MMP14: variants seen among roughly 807,000 people sequenced by gnomAD.
MMP14 encodes matrix metallopeptidase 14.
Under a neutral mutation model 64.8 loss-of-function variants are expected in MMP14, and 13 were observed. That is an observed-to-expected ratio of 0.20 (90% CI 0.13 to 0.32). MMP14 has a LOEUF of 0.32. MMP14 is among the 10% of genes least tolerant of loss of function. MMP14 has a pLI of 1.00. For synonymous variants in MMP14, 322 were observed against 315.9 expected (o/e 1.02, Z -0.20); for missense variants, 594 against 783.8 (o/e 0.76, Z 2.89).
At chr14:22,837,023 T>A in intron 1 of MMP14, 98 bp downstream of exon 1, 1 of 897,762 alleles carries the variant, frequency 1.1e-6, no homozygotes, top group Non-Finnish European at 1.8e-6. Context: ...GGAGGGCTTT[T>A]GGGATCTCCG....
At position 22,846,426 on chromosome 14, in the gene MMP14, T is replaced by G; in HGVS notation, c.*387T>G. The G allele has an allele frequency of 5.0e-6, 1 of 201,384 alleles. No individual in the cohort carries two copies. Among genetic ancestry groups the G allele is most frequent in the South Asian group, 1.4e-4 (1 of 7,334 alleles). 12.5% of individuals were successfully genotyped at this position (201,384 alleles called of 1,614,324 possible). On this transcript the variant is annotated 3_prime_UTR_variant, in exon 10 of 10. Coordinates refer to ENST00000311852, the MANE Select transcript of MMP14 (RefSeq NM_004995.4). ...TCTGCTCCTTTTCCATCCCCTGACATACCTTAACCTCTGAACTCTGACCTC... is the reference window on the plus strand; with the variant it reads ...TCTGCTCCTTTTCCATCCCCTGACAGACCTTAACCTCTGAACTCTGACCTC...
rs2138747764 is a variant in MMP14, at chr14:22,847,004, G to A, written c.*965G>A. 6.5e-6 allele frequency: 1 copy of A among 152,992 alleles called. No homozygotes were observed. The highest frequency in any genetic ancestry group is 2.4e-5 in the African/African-American group (1 of 41,608). The allele number at this position is 152,992 out of a possible 1,614,324, so 9.5% of individuals were successfully genotyped here. ...ATGAGGACGTGCAGCAGCATTGGAA[G>A]GCTGGGGCCGGGCAGGCCAGGCCAA... On this transcript the variant is annotated 3_prime_UTR_variant, in exon 10 of 10. Transcript: ENST00000311852.
chr14:22,843,703 G>A lies in MMP14; in HGVS notation c.851-7G>A, dbSNP rs2039789961. The A allele has an allele frequency of 6.3e-7, 1 of 1,586,198 alleles. No individual in the cohort carries two copies. Among genetic ancestry groups the A allele is most frequent in the African/African-American group, 1.4e-5 (1 of 72,634 alleles). On this transcript the variant is annotated splice_region_variant and splice_polypyrimidine_tract_variant and intron_variant, in intron 5 of 9. Transcript: ENST00000311852. This position sits in a 1 kb window ranked among gnomAD's most constrained non-coding sequence, Gnocchi z 4.8. ...GTCTGAAATGCCCCTCGTGTTTTCT[G>A]CCCCAGGGGGTGAGTCAGGGTTCCC...
chr14:22,847,447 G>A lies in MMP14; in HGVS notation c.*1408G>A, dbSNP rs892308821. The A allele has an allele frequency of 7.1e-6, 1 of 140,720 alleles. No individual in the cohort carries two copies. The highest frequency in any genetic ancestry group is 1.6e-5 in the Non-Finnish European group (1 of 64,012). 8.7% of individuals were successfully genotyped at this position (140,720 alleles called of 1,614,324 possible). A position where few individuals can be genotyped will look rare whatever the true frequency, so the allele number is the denominator to read the frequency against. On this transcript the variant is annotated 3_prime_UTR_variant, in exon 10 of 10. Coordinates refer to ENST00000311852, the MANE Select transcript of MMP14 (RefSeq NM_004995.4). ...GGGAGAGTGAGACCCAGTGGAGGGA[G>A]CAAGAGGAGAGGGATGTCGGGGGGG...
chr14:22,845,013 C>T (rs903094965), intron 8 of MMP14, among the ~76,000 whole-genome samples: 10 of 152,124 alleles, frequency 6.6e-5, no homozygotes, highest in Non-Finnish European at 1.0e-4. Context: ...CCCAGCACTG[C>T]GCCTCCACCC....
At position 22,846,258 on chromosome 14, in the gene MMP14, G is replaced by A; in HGVS notation, c.*219G>A. The A allele has an allele frequency of 1.9e-6, 1 of 534,514 alleles. No individual in the cohort carries two copies. Among genetic ancestry groups the A allele is most frequent in the Non-Finnish European group, 3.3e-6 (1 of 306,132 alleles). 33.1% of individuals were successfully genotyped at this position (534,514 alleles called of 1,614,324 possible). A position where few individuals can be genotyped will look rare whatever the true frequency, so the allele number is the denominator to read the frequency against. On this transcript the variant is annotated 3_prime_UTR_variant, in exon 10 of 10. Transcript: ENST00000311852. ...CCTAGATAGGTCCCCTGAGGGCTGA[G>A]TGGGAGGGCGGCCCTTTCCAGCCTC...
chr14:22,841,673 G>GTGGAATTGT, intron 2 of MMP14, 34 bp downstream of exon 2: 1 of 1,612,058 alleles, frequency 6.2e-7, no homozygotes, highest in Non-Finnish European at 8.5e-7. Flanking sequence ...GTTCTGCCTA[G>GTGGAATTGT]CATCCACTGA....
Position 22,843,644 on chromosome 14 carries a change from ATCTG to A in MMP14, c.851-59_851-56del, listed in dbSNP as rs2039789275. 1.3e-6 allele frequency: 2 copies of A among 1,523,644 alleles called. No homozygotes were observed. Among genetic ancestry groups the A allele is most frequent in the Admixed American group, 2.1e-5 (1 of 47,288 alleles). The allele number at this position is 1,523,644 out of a possible 1,614,324, so 94.4% of individuals were successfully genotyped here. On this transcript the variant is annotated intron_variant, in intron 5 of 9. Transcript: ENST00000311852. The surrounding 1 kb of genome is among the most constrained non-coding windows in gnomAD (Gnocchi z 4.8). ...ACCTTTCCAAGGGTATTGTCTGCCCATCTGTCTGTCCTTCCGTCCCCGCCTCCTC... is the reference window on the plus strand; with the variant it reads ...ACCTTTCCAAGGGTATTGTCTGCCCATCTGTCCTTCCGTCCCCGCCTCCTC...
At position 22,846,547 on chromosome 14, in the gene MMP14, G is replaced by A. The variant is rs139183314; in HGVS notation, c.*508G>A. On this transcript the variant is annotated 3_prime_UTR_variant, in exon 10 of 10. Coordinates refer to ENST00000311852, the MANE Select transcript of MMP14 (RefSeq NM_004995.4). The stretch of plus-strand genomic sequence containing the variant: ...TGGCTAAAAGGAATCTAATCTTGTT[G>A]AGGGTAGAGACCCTGAGACAGTGTG... 451 of 155,682 alleles carry A rather than the reference G, an allele frequency of 2.9e-3. 1 individual carries two copies. The highest frequency in any genetic ancestry group is 5.0e-3 in the Non-Finnish European group (354 of 70,220). 9.6% of individuals were successfully genotyped at this position (155,682 alleles called of 1,614,324 possible).
rs375367493 is a variant in MMP14, at chr14:22,846,048, G to A, written c.*9G>A. On this transcript the variant is annotated 3_prime_UTR_variant, in exon 10 of 10. Coordinates refer to ENST00000311852, the MANE Select transcript of MMP14 (RefSeq NM_004995.4). Reference sequence around the variant, plus strand: ...TGCTGGACAAGGTCTGACGCCCACCGCCGGCCCGCCCACTCCTACCACAAG... The same window carrying A: ...TGCTGGACAAGGTCTGACGCCCACCACCGGCCCGCCCACTCCTACCACAAG... 1,280 of 1,462,554 alleles carry A rather than the reference G, an allele frequency of 8.8e-4. 2 individuals are homozygous for A. The highest frequency in any genetic ancestry group is 8.6e-4 in the Non-Finnish European group (955 of 1,106,074). The allele number at this position is 1,462,554 out of a possible 1,614,324, so 90.6% of individuals were successfully genotyped here. A position where few individuals can be genotyped will look rare whatever the true frequency, so the allele number is the denominator to read the frequency against.
chr14:22,843,461 G>A lies in MMP14; in HGVS notation c.850+43G>A. 2 of 1,590,810 alleles carry A rather than the reference G, an allele frequency of 1.3e-6. No homozygotes were observed. Among genetic ancestry groups the A allele is most frequent in the South Asian group, 2.3e-5 (2 of 88,442 alleles). On this transcript the variant is annotated intron_variant, in intron 5 of 9. Transcript: ENST00000311852. The surrounding 1 kb of genome is among the most constrained non-coding windows in gnomAD (Gnocchi z 4.8). ...ACGCCTGCTCCCTCCTCTGCTGCTT[G>A]TTCCCTCCTGGTCTACGCATTTCCC... is the stretch of plus-strand genomic sequence containing the variant.
chr14:22,847,656 G>T lies in MMP14; in HGVS notation c.*1617G>T, dbSNP rs945191638. 3 of 151,538 alleles carry T rather than the reference G, an allele frequency of 2.0e-5. No individual in the cohort carries two copies. The highest frequency in any genetic ancestry group is 1.3e-4 in the Admixed American group (2 of 15,194). 9.4% of individuals were successfully genotyped at this position (151,538 alleles called of 1,614,324 possible). On this transcript the variant is annotated 3_prime_UTR_variant, in exon 10 of 10. Transcript: ENST00000311852. ...GAGGGGTGGGGGTGGGGGGGCAGAG[G>T]CGTCTGACCCCAGGAACCTGCAGGG...
In MMP14 at chr14:22,845,238, T is replaced by C. The variant is rs528013769; in HGVS notation, c.1302-13T>C. The C allele has an allele frequency of 2.5e-6, 4 of 1,605,040 alleles. No individual in the cohort carries two copies. The South Asian group carries it at 4.4e-5, about 18-fold the overall frequency. On this transcript the variant is annotated splice_polypyrimidine_tract_variant and intron_variant, in intron 8 of 9. Transcript: ENST00000311852. ...CCAGTGTCCGCCACTGCCCTTCCTT[T>C]CCCCTTCCCCAGGTACTACCGTTTC... is the stretch of plus-strand genomic sequence containing the variant.
At position 22,836,697 on chromosome 14, in the gene MMP14, A is replaced by G. The variant is rs2039732858; in HGVS notation, c.-121A>G. On this transcript the variant is annotated 5_prime_UTR_variant, in exon 1 of 10. Coordinates refer to ENST00000311852, the MANE Select transcript of MMP14 (RefSeq NM_004995.4). ...TTTAACTCCAAGCCGACAGCGGTCT[A>G]GGAATTCAAGTTCAGTGCCTACCGA... is the stretch of plus-strand genomic sequence containing the variant. 1 of 570,820 alleles carries G rather than the reference A, an allele frequency of 1.8e-6. No individual in the cohort carries two copies. The highest frequency in any genetic ancestry group is 3.1e-6 in the Non-Finnish European group (1 of 324,834). The allele number at this position is 570,820 out of a possible 1,614,324, so 35.4% of individuals were successfully genotyped here.
intron 1 of MMP14, 116 bp downstream of exon 1, chr14:22,837,041 G>A: frequency 1.3e-6 from 1 of 776,966 alleles, no homozygotes; most frequent in South Asian, 1.6e-5. Flanking sequence ...CCGCTGCTCA[G>A]GCCTGCAGGA....
At chr14:22,841,752 C>G (rs1346789627) in intron 2 of MMP14, 113 bp downstream of exon 2, 8 of 1,545,596 alleles carry the variant, frequency 5.2e-6, no homozygotes, top group Non-Finnish European at 7.0e-6. Context: ...CATATCTCAT[C>G]CCCACGTGCT....
chr14:22,846,185 C>T lies in MMP14; in HGVS notation c.*146C>T, dbSNP rs2039812490. ...CTTCTCTCTGTCCCCTGGCTGGCCTCCTTCACCCTGACCGCCTCCCTCCCT... is the reference window on the plus strand; with the variant it reads ...CTTCTCTCTGTCCCCTGGCTGGCCTTCTTCACCCTGACCGCCTCCCTCCCT... On this transcript the variant is annotated 3_prime_UTR_variant, in exon 10 of 10. Coordinates refer to ENST00000311852, the MANE Select transcript of MMP14 (RefSeq NM_004995.4). 5 of 782,146 alleles carry T rather than the reference C, an allele frequency of 6.4e-6. No individual in the cohort carries two copies. Among genetic ancestry groups the T allele is most frequent in the African/African-American group, 1.8e-5 (1 of 57,078 alleles). The allele number at this position is 782,146 out of a possible 1,614,324, so 48.5% of individuals were successfully genotyped here. A position where few individuals can be genotyped will look rare whatever the true frequency, so the allele number is the denominator to read the frequency against.
intron 1 of MMP14, among the ~76,000 whole-genome samples, chr14:22,839,140 A>C (rs1464599518): frequency 6.6e-6 from 1 of 152,042 alleles, no homozygotes; most frequent in Non-Finnish European, 1.5e-5. Context: ...AAATTCTCTC[A>C]GCTTTGCTCT....
Position 22,842,593 on chromosome 14 carries a change from C to T in MMP14, c.564C>T (p.Asp188=). The part of the protein sequence containing the change: ...MIFFAEGFHG[D]STPFDGEGGF... Reference sequence around the variant, plus strand: ...TCTTTGCCGAGGGCTTCCATGGCGACAGCACGCCCTTCGATGGTGAGGGCG... The same window carrying T: ...TCTTTGCCGAGGGCTTCCATGGCGATAGCACGCCCTTCGATGGTGAGGGCG... The change falls in exon 4 of 10, where the codon GAC becomes GAT. Residue 188 remains aspartate, a synonymous_variant. Coordinates refer to ENST00000311852, the MANE Select transcript of MMP14 (RefSeq NM_004995.4). The surrounding 1 kb of genome is among the most constrained non-coding windows in gnomAD (Gnocchi z 5.3). 6.2e-7 allele frequency: 1 copy of T among 1,614,220 alleles called. No homozygotes were observed. The highest frequency in any genetic ancestry group is 2.2e-5 in the East Asian group (1 of 44,874).
Sources: gnomAD v4.1 joint callset for allele counts (sites outside exome capture counted in the v4.1 genomes callset) on GRCh38, gnomAD v4.1.1 for gene constraint, Gnocchi (gnomAD v3.1) non-coding constraint, MANE v1.5 for transcripts, NCBI Gene and HGNC (gene_info 2026-07-23, HGNC 2026-07-21) for gene names.